The following ADAMTS7 variants were observed in gnomAD, a reference collection of about 807,000 sequenced individuals.
ADAMTS7 encodes ADAM metallopeptidase with thrombospondin type 1 motif 7.
In ADAMTS7, 89 loss-of-function variants were observed where a neutral mutation model predicts 172.6. That is an observed-to-expected ratio of 0.52 (90% CI 0.43 to 0.61). The LOEUF (loss-of-function observed/expected upper bound fraction) is 0.61. Among genes scored for constraint, ADAMTS7 ranks in the 20% least tolerant of loss-of-function variants. ADAMTS7 has a pLI of 0.00. For synonymous variants in ADAMTS7, 885 were observed against 978.4 expected (o/e 0.90, Z 1.78); for missense variants, 1,973 against 2,355.6 (o/e 0.84, Z 3.36).
rs539033590 is a variant in ADAMTS7 at position 78,760,042 on chromosome 15, G to A, written c.4904-464C>T. ...AGTGCATCTGTCCTGCCAGGCCTCC[G>A]TGACCACCTCCAGCCACAGGGGCTG... is the stretch of plus-strand genomic sequence containing the variant. On this transcript the variant is annotated intron_variant, in intron 23 of 23. Coordinates refer to ENST00000388820, the MANE Select transcript of ADAMTS7 (RefSeq NM_014272.5). Among the ~76,000 whole-genome samples the A allele has an allele frequency of 3.4e-4, 51 of 151,948 alleles. No homozygotes were observed. In the South Asian group the frequency reaches 8.3e-3, roughly 25 times the overall value.
chr15:78,805,347 A>C (rs988252079), intron 1 of ADAMTS7, among the ~76,000 whole-genome samples: 6 of 152,258 alleles, frequency 3.9e-5, no homozygotes, highest in Non-Finnish European at 1.5e-5. Flanking sequence ...TTTAAGAATC[A>C]CATGATCTTG....
intron 16 of ADAMTS7, chr15:78,770,922 A>T: frequency 1.8e-6 from 1 of 564,148 alleles, no homozygotes; most frequent in Non-Finnish European, 3.1e-6. Context: ...GAACGCCAAG[A>T]GCTGGAGCAC....
At chr15:78,763,171 C>A (rs78073665) in intron 22 of ADAMTS7, among the ~76,000 whole-genome samples, 5 of 152,324 alleles carry the variant, frequency 3.3e-5, no homozygotes, top group Middle Eastern at 3.4e-3. Flanking sequence ...GACCCAGCAA[C>A]GCAAAGCAAC....
chr15:78,777,637 T>A, intron 8 of ADAMTS7, 49 bp from the exon 9 acceptor site: 1 of 1,570,244 alleles, frequency 6.4e-7, no homozygotes, highest in East Asian at 2.3e-5. Flanking sequence ...GTGAGACCCA[T>A]CGGAGAAGCC....
Position 78,796,784 on chromosome 15 carries a change from A to T in ADAMTS7, c.625T>A (p.Tyr209Asn). 6.2e-7 allele frequency: 1 copy of T among 1,607,622 alleles called. No individual in the cohort carries two copies. The highest frequency in any genetic ancestry group is 2.2e-5 in the East Asian group (1 of 44,816). Residue 209 changes from tyrosine (Y) to asparagine (N), a missense_variant and splice_region_variant, in exon 4 of 24, where the codon TAC becomes AAC. Physicochemically the swap from Tyr to Asn is moderately radical, Grantham distance 143. Coordinates refer to ENST00000388820, the MANE Select transcript of ADAMTS7 (RefSeq NM_014272.5). ...TCCCGTCGAGACTCCAGCTCTGGGT[A>T]CACTGGAGGCCCAGATGGGGTGGAG... ...SAPSTCGVQV[Y>N]PELESRRERW...
At position 78,762,683 on chromosome 15, in the gene ADAMTS7, C is replaced by T. The variant is rs1295601142; in HGVS notation, c.4741-118G>A. 11 of 809,056 alleles carry T rather than the reference C, an allele frequency of 1.4e-5. No individual in the cohort carries two copies. In the South Asian group the frequency reaches 4.4e-4, roughly 33 times the overall value. 50.1% of individuals were successfully genotyped at this position (809,056 alleles called of 1,614,324 possible). The stretch of plus-strand genomic sequence containing the variant: ...GTGCCTGACTGGCCTGGCCTTGCTC[C>T]CAGCCGCCCCCTCAGTGCCTCCTGG... On this transcript the variant is annotated intron_variant, in intron 22 of 23. Transcript: ENST00000388820.
At chr15:78,772,241 A>G (rs866271232) in intron 14 of ADAMTS7, among the ~76,000 whole-genome samples, 4 of 152,146 alleles carry the variant, frequency 2.6e-5, no homozygotes, top group Non-Finnish European at 5.9e-5. Context: ...TCAGCACCTC[A>G]CATGTGTAAG....
rs145429757 is a variant in ADAMTS7, at chr15:78,762,875, G to C, written c.4741-310C>G. 0.028 allele frequency among the ~76,000 whole-genome samples: 4,270 copies of C among 152,326 alleles called. 521 individuals carry two copies. The East Asian group carries it at 0.35, about 12-fold the overall frequency. On this transcript the variant is annotated intron_variant, in intron 22 of 23. Transcript: ENST00000388820. ...ATGCCTGAGAAGCCTGGGCAGGGGC[G>C]CCGGGATGGAGCCCTGATGCAGCAG...
rs763907933 is a variant in ADAMTS7, at chr15:78,762,441, G to A, written c.4865C>T (p.Pro1622Leu). 2.1e-5 allele frequency: 32 copies of A among 1,544,818 alleles called. No homozygotes were observed. Among genetic ancestry groups the A allele is most frequent in the South Asian group, 9.8e-5 (8 of 82,018 alleles). ...GGGCTCACAATCCTCGGTGCCACAC[G>A]GCCGGGAGCTCTCAGGCCAGGCCTC... is the stretch of plus-strand genomic sequence containing the variant. Reference protein sequence around the residue: ...GHEAWPESSRPCGTEDCEPVE... With the variant: ...GHEAWPESSRLCGTEDCEPVE... The change falls in exon 23 of 24, where the codon CCG (proline) becomes CTG (leucine). Residue 1622 changes from proline to leucine, a missense_variant. By Grantham distance (98) the Pro-to-Leu change is moderately conservative (BLOSUM62 -3). Transcript: ENST00000388820.
chr15:78,778,441 G>A (rs1373202787), intron 8 of ADAMTS7, among the ~76,000 whole-genome samples: 1 of 152,220 alleles, frequency 6.6e-6, no homozygotes, highest in Non-Finnish European at 1.5e-5. Flanking sequence ...TGCTGCCCCT[G>A]CTGGACCTTA....
intron 8 of ADAMTS7, among the ~76,000 whole-genome samples, chr15:78,784,491 G>A (rs1379164237): frequency 1.3e-5 from 2 of 152,066 alleles, no homozygotes; most frequent in Non-Finnish European, 2.9e-5. Context: ...TTAAAAATAA[G>A]AAAGTGAGAG....
chr15:78,761,768 G>T (rs902390203), intron 23 of ADAMTS7: 30 of 816,378 alleles, frequency 3.7e-5, no homozygotes, highest in Non-Finnish European at 4.1e-5. Flanking sequence ...GTGCGCGCAC[G>T]CACACATGCT....
chr15:78,766,077 A>G lies in ADAMTS7; in HGVS notation c.3834T>C (p.Pro1278=). The change falls in exon 19 of 24, where the codon CCT becomes CCC. Residue 1278 remains proline (P), a synonymous_variant. Transcript: ENST00000388820. ...CAGTGGGCCACAGTTCACTGTCCAC[A>G]GGCCCCAGGCCACCCTCCAGAGCTG... The part of the protein sequence containing the change: ...WEPALEGGLG[P]VDSELWPTVG... 1 of 1,610,132 alleles carries G rather than the reference A, an allele frequency of 6.2e-7. No individual in the cohort carries two copies.
rs559544857 is a variant in ADAMTS7, at chr15:78,773,314, G to A, written c.2011-111C>T. On this transcript the variant is annotated intron_variant, in intron 13 of 23. Coordinates refer to ENST00000388820, the MANE Select transcript of ADAMTS7 (RefSeq NM_014272.5). ...AGAAAGCTGGGAGTTGGGGTCGGGA[G>A]GCCTCTCTCTGGCCCTGCCCCACCT... is the stretch of plus-strand genomic sequence containing the variant. 7.5e-5 allele frequency: 80 copies of A among 1,062,026 alleles called. No homozygotes were observed. The East Asian group carries it at 1.7e-3, about 23-fold the overall frequency. The allele number at this position is 1,062,026 out of a possible 1,614,324, so 65.8% of individuals were successfully genotyped here.
At chr15:78,761,952 T>C (rs775242237) in intron 23 of ADAMTS7, 17 of 985,232 alleles carry the variant, frequency 1.7e-5, no homozygotes, top group Non-Finnish European at 1.8e-5. Flanking sequence ...GCCCTTCCTG[T>C]GGTTCCATTG....
intron 4 of ADAMTS7, among the ~76,000 whole-genome samples, chr15:78,793,054 C>T (rs1399154311): frequency 2.6e-5 from 4 of 152,120 alleles, no homozygotes; most frequent in Admixed American, 6.5e-5. Context: ...AAAAAATAGC[C>T]GCAGCCAACC....
chr15:78,777,719 C>T (rs1211430247), intron 8 of ADAMTS7, 131 bp from the exon 9 acceptor site: 3 of 1,200,886 alleles, frequency 2.5e-6, no homozygotes, highest in Non-Finnish European at 3.4e-6. Flanking sequence ...ACTCCAGCCT[C>T]CCCGCTCGGC....
intron 13 of ADAMTS7, among the ~76,000 whole-genome samples, chr15:78,773,571 C>A (rs1037372682): frequency 6.6e-6 from 1 of 152,010 alleles, no homozygotes; most frequent in African/African-American, 2.4e-5. Context: ...GGGGTTGGCA[C>A]CTCCCTCCTG....
rs1393884662 is a variant in ADAMTS7 at position 78,774,259 on chromosome 15, A to C, written c.1918T>G (p.Phe640Val). The C allele has an allele frequency of 6.3e-7, 1 of 1,581,582 alleles. No homozygotes were observed. The highest frequency in any genetic ancestry group is 8.5e-7 in the Non-Finnish European group (1 of 1,173,176). Residue 640 changes from phenylalanine to valine, a missense_variant, in exon 13 of 24, where the codon TTT becomes GTT. Coordinates refer to ENST00000388820, the MANE Select transcript of ADAMTS7 (RefSeq NM_014272.5). ...ACGGCGTCCCGCAGCTTCTCGGCAAAGTACTCATTCGCGGGCCGGCAGTGC... is the reference window on the plus strand; with the variant it reads ...ACGGCGTCCCGCAGCTTCTCGGCAACGTACTCATTCGCGGGCCGGCAGTGC... ...ELHCRPANEY[F>V]AEKLRDAVVD...
Sources: gnomAD v4.1 joint callset for allele counts (sites outside exome capture counted in the v4.1 genomes callset) on GRCh38, gnomAD v4.1.1 for gene constraint, MANE v1.5 for transcripts, NCBI Gene and HGNC (gene_info 2026-07-23, HGNC 2026-07-21) for gene names.